The following STK3 variants were observed in gnomAD, a reference collection of about 807,000 sequenced individuals.
STK3 encodes serine/threonine kinase 3.
A neutral mutation model predicts 58.0 loss-of-function variants in STK3; 41 were observed. That is an observed-to-expected ratio of 0.71 (90% CI 0.55 to 0.92). The LOEUF is 0.92. STK3 is among the 40% of genes least tolerant of loss of function. The pLI, the probability that STK3 is intolerant of heterozygous loss-of-function variation, is 0.00. For synonymous variants in STK3, 170 were observed against 191.0 expected (o/e 0.89, Z 0.91); for missense variants, 479 against 602.7 (o/e 0.79, Z 2.15).
At chr8:98,549,295 C>A (rs1405948556) in intron 8 of STK3, among the ~76,000 whole-genome samples, 1 of 152,160 alleles carries the variant, frequency 6.6e-6, no homozygotes, top group East Asian at 1.9e-4. Flanking sequence ...AAAATAATAG[C>A]CATCCTAATG....
At chr8:98,391,041 G>A (rs186396709), upstream of STK3, among the ~76,000 whole-genome samples, 316 of 152,266 alleles carry the variant, frequency 2.1e-3, 1 homozygote, top group Middle Eastern at 6.8e-3. Flanking sequence ...ATTGGCATCC[G>A]TTGACTGCTT....
intron 4 of STK3, among the ~76,000 whole-genome samples, chr8:98,708,567 G>A (rs762073984): frequency 2.1e-4 from 32 of 152,128 alleles, no homozygotes; most frequent in Admixed American, 3.9e-4. Context: ...AGGAAGAGAC[G>A]GATGGGAAAG....
rs1444618328 is a variant in STK3, at chr8:98,654,358, C to CA, written c.684+52108dup. On this transcript the variant is annotated intron_variant, in intron 6 of 10. Transcript: ENST00000419617. ...TCAAAATAATAAGAGCTATCTATGA[C>CA]AAACCCACAGCCAATATCATACTGA... 7.9e-5 allele frequency among the ~76,000 whole-genome samples: 12 copies of CA among 152,200 alleles called. No homozygotes were observed. In the East Asian group the frequency reaches 1.4e-3, roughly 17 times the overall value.
upstream of STK3, among the ~76,000 whole-genome samples, chr8:98,828,454 A>AC (rs1564043595): frequency 1.1e-4 from 16 of 150,786 alleles, no homozygotes; most frequent in African/African-American, 3.9e-4. Context: ...AAAAAAAAAA[A>AC]AAAAAAAAAA....
chr8:98,828,043 C>T (rs1835378006), upstream of STK3, among the ~76,000 whole-genome samples: 1 of 150,914 alleles, frequency 6.6e-6, no homozygotes, highest in Admixed American at 6.6e-5. Context: ...GCCGTGATCT[C>T]AGGTCACTGC....
At chr8:98,538,817 G>A (rs1165575034) in intron 9 of STK3, among the ~76,000 whole-genome samples, 1 of 152,158 alleles carries the variant, frequency 6.6e-6, no homozygotes, top group East Asian at 1.9e-4. Flanking sequence ...TTCGTTAAAC[G>A]TCCCACGGAC....
At chr8:98,717,878 C>G (rs1274118914) in intron 4 of STK3, among the ~76,000 whole-genome samples, 1 of 152,098 alleles carries the variant, frequency 6.6e-6, no homozygotes, top group Admixed American at 6.6e-5. Flanking sequence ...AAAGGGAAGG[C>G]AATTCTGCAA....
At chr8:98,645,786 TTA>T (rs560352210) in intron 6 of STK3, among the ~76,000 whole-genome samples, 1 of 151,466 alleles carries the variant, frequency 6.6e-6, no homozygotes, top group South Asian at 2.1e-4. Flanking sequence ...ACTTTTCTAA[TTA>T]TATATATATA....
At chr8:98,461,664 C>T (rs796969653) in intron 10 of STK3, among the ~76,000 whole-genome samples, 3 of 152,218 alleles carry the variant, frequency 2.0e-5, no homozygotes, top group Admixed American at 6.5e-5. Context: ...TAGCATTTCT[C>T]GTAGGGATGC....
At chr8:98,858,898 A>G (rs1199332412) in intron 3 of STK3, among the ~76,000 whole-genome samples, 2 of 134,558 alleles carry the variant, frequency 1.5e-5, no homozygotes, top group East Asian at 2.2e-4. Flanking sequence ...GACTCCATCT[A>G]AAAAAAAAAA....
intron 6 of STK3, among the ~76,000 whole-genome samples, chr8:98,613,037 TA>T (rs1817325052): frequency 6.6e-6 from 1 of 152,122 alleles, no homozygotes; most frequent in Non-Finnish European, 1.5e-5. Context: ...AGACTTTCAC[TA>T]ACCAGTGGAA....
At chr8:98,742,110 G>C (rs1434562942) in intron 4 of STK3, among the ~76,000 whole-genome samples, 1 of 151,792 alleles carries the variant, frequency 6.6e-6, no homozygotes, top group African/African-American at 2.4e-5. Context: ...ACCAAAAAGA[G>C]TCCAGGACCA....
intron 9 of STK3, among the ~76,000 whole-genome samples, chr8:98,536,114 T>C (rs2131531736): frequency 6.6e-6 from 1 of 152,216 alleles, no homozygotes; most frequent in East Asian, 1.9e-4. Flanking sequence ...CCTGACAACA[T>C]CCCAATCAGG....
At chr8:98,411,812 A>G (rs1215075361) in intron 3 of STK3, among the ~76,000 whole-genome samples, 1 of 152,182 alleles carries the variant, frequency 6.6e-6, no homozygotes, top group African/African-American at 2.4e-5. Context: ...CTGGATCTGA[A>G]GTGTTCCCTG....
intron 10 of STK3, among the ~76,000 whole-genome samples, chr8:98,467,354 T>A (rs1820550729): frequency 6.6e-6 from 1 of 152,106 alleles, no homozygotes; most frequent in South Asian, 2.1e-4. Context: ...CAATATTTAT[T>A]GAATGAATGA....
chr8:98,682,229 A>G (rs1054865547), intron 6 of STK3, among the ~76,000 whole-genome samples: 1 of 152,238 alleles, frequency 6.6e-6, no homozygotes, highest in Admixed American at 6.5e-5. Flanking sequence ...AACCACTGTA[A>G]CAACTCACTA....
At chr8:98,930,413 T>C (rs1839965038) in intron 1 of STK3, among the ~76,000 whole-genome samples, 1 of 152,256 alleles carries the variant, frequency 6.6e-6, no homozygotes, top group East Asian at 1.9e-4. Flanking sequence ...CCCTGTTCCA[T>C]GCAGAGTGTG....
chr8:98,617,679 A>C (rs1247697255), intron 6 of STK3, among the ~76,000 whole-genome samples: 1 of 151,800 alleles, frequency 6.6e-6, no homozygotes, highest in Non-Finnish European at 1.5e-5. Flanking sequence ...AGAATACTAC[A>C]AACACCTCTA....
intron 3 of STK3, among the ~76,000 whole-genome samples, chr8:98,765,610 C>T (rs928345569): frequency 6.6e-6 from 1 of 152,194 alleles, no homozygotes; most frequent in Non-Finnish European, 1.5e-5. Flanking sequence ...CCCTTCCCTG[C>T]TTCTTCTTTT....
Sources: gnomAD v4.1 joint callset for allele counts (sites outside exome capture counted in the v4.1 genomes callset) on GRCh38, gnomAD v4.1.1 for gene constraint, MANE v1.5 for transcripts, NCBI Gene and HGNC (gene_info 2026-07-23, HGNC 2026-07-21) for gene names.